Variants in MYBBP1A observed in about 807,000 individuals in gnomAD.
The protein encoded by MYBBP1A is myb-binding protein 1A.
A neutral mutation model predicts 136.3 loss-of-function variants in MYBBP1A; 147 were observed. That is an observed-to-expected ratio of 1.08 (90% CI 0.94 to 1.24). The LOEUF is 1.24. Ranked by LOEUF, MYBBP1A falls within the 50% of genes most tolerant of loss-of-function variation. The pLI is 0.00. For missense variants in MYBBP1A, 2,060 were observed against 1,727.4 expected (o/e 1.19, Z -3.41); for synonymous variants, 947 against 735.8 (o/e 1.29, Z -4.65).
At chr17:4,546,481 G>T (rs180780705) in intron 13 of MYBBP1A, among the ~76,000 whole-genome samples, 260 of 152,246 alleles carry the variant, frequency 1.7e-3, no homozygotes, top group African/African-American at 5.8e-3. Context: ...GCCTGAAGGG[G>T]ACAAGGAGTC....
Position 4,550,356 on chromosome 17 carries a change from G to C in MYBBP1A, c.1024-3C>G. Reference sequence around the variant, plus strand: ...GCAAACTTGAACTGCTTTGGGAGCTGCAAGAGTTAGGCATGGCGCTGAGCC... The same window carrying C: ...GCAAACTTGAACTGCTTTGGGAGCTCCAAGAGTTAGGCATGGCGCTGAGCC... On this transcript the variant is annotated splice_region_variant and splice_polypyrimidine_tract_variant and intron_variant, in intron 8 of 25. Transcript: ENST00000254718. The C allele has an allele frequency of 6.2e-7, 1 of 1,608,692 alleles. No individual in the cohort carries two copies. Among genetic ancestry groups the C allele is most frequent in the South Asian group, 1.1e-5 (1 of 90,674 alleles).
chr17:4,547,791 C>T (rs1390468883), intron 13 of MYBBP1A, 167 bp downstream of exon 13: 13 of 563,636 alleles, frequency 2.3e-5, no homozygotes, highest in Middle Eastern at 4.6e-4. Context: ...GCTAAGTGGC[C>T]GGAGGGATGT....
rs758319753 is a variant in MYBBP1A at position 4,539,603 on chromosome 17, A to AC, written c.3798dup (p.Ser1267ValfsTer78). On this transcript the variant is annotated frameshift_variant, in exon 26 of 26. Transcript: ENST00000254718. LOFTEE classifies it low-confidence loss of function (END_TRUNC). ...TTTTGGCCTGCAGGTTCCGTGGGGG[A>AC]CCCGGGAGCTCCATTCACCTGGGAC... The AC allele has an allele frequency of 3.1e-6, 5 of 1,613,078 alleles. 1 individual carries two copies. In the South Asian group the frequency reaches 5.5e-5, roughly 18 times the overall value.
At position 4,539,650 on chromosome 17, in the gene MYBBP1A, A is replaced by C; in HGVS notation, c.3752T>G (p.Leu1251Arg). The change falls in exon 26 of 26, where the codon CTG becomes CGG. Residue 1251 changes from leucine (L) to arginine (R), a missense_variant. Leu to Arg is a moderately radical substitution (Grantham distance 102). Transcript: ENST00000254718. ...GGACGGCTTCTGGTTTTTCTTCTGC[A>C]GTTTTGGGGATTTGGCAGGGGTGCT... is the stretch of plus-strand genomic sequence containing the variant. ...SPSTPAKSPK[L>R]QKKNQKPSQV... The C allele has an allele frequency of 6.2e-7, 1 of 1,609,500 alleles. No homozygotes were observed. Among genetic ancestry groups the C allele is most frequent in the South Asian group, 1.1e-5 (1 of 90,984 alleles).
intron 2 of MYBBP1A, among the ~76,000 whole-genome samples, chr17:4,554,584 G>T (rs564986205): frequency 1.4e-4 from 21 of 152,202 alleles, no homozygotes; most frequent in Admixed American, 1.4e-3. Context: ...TGCCTCTGCA[G>T]GCCTAAGGGA....
In MYBBP1A at chr17:4,540,405, G is replaced by C. The variant is rs752552195; in HGVS notation, c.3377C>G (p.Thr1126Ser). 1.9e-6 allele frequency: 3 copies of C among 1,610,700 alleles called. No homozygotes were observed. The South Asian group carries it at 3.3e-5, about 18-fold the overall frequency. The change falls in exon 25 of 26, where the codon ACC becomes AGC. Residue 1126 changes from threonine (T) to serine (S), a missense_variant. Physicochemically the swap from Thr to Ser is moderately conservative, Grantham distance 58. Coordinates refer to ENST00000254718, the MANE Select transcript of MYBBP1A (RefSeq NM_014520.4). ...GAGGTCGTGCAGGCGGCTGGAGCCG[G>C]TGGAGTGTGCCCCCTGCTGTAGGCT... ...QQSLQQGAHS[T>S]GSSRLHDLYW...
At position 4,548,271 on chromosome 17, in the gene MYBBP1A, C is replaced by T. The variant is rs1406766549; in HGVS notation, c.1596G>A (p.Pro532=). The T allele has an allele frequency of 7.4e-6, 12 of 1,612,498 alleles. No individual in the cohort carries two copies. Among genetic ancestry groups the T allele is most frequent in the East Asian group, 6.7e-5 (3 of 44,878 alleles). ...QTLSTQFKQA[P]GQTQGGQPWT... is the part of the protein sequence containing the mutation. The stretch of plus-strand genomic sequence containing the variant: ...AGGGCTGCCCACCCTGGGTCTGGCC[C>T]GGTGCCTGCTTGAACTGCGTGCTGA... Residue 532 remains proline, a synonymous_variant, in exon 12 of 26, where the codon CCG becomes CCA. Transcript: ENST00000254718. The surrounding 1 kb of genome is among the most constrained non-coding windows in gnomAD (Gnocchi z 4.2).
At position 4,554,218 on chromosome 17, in the gene MYBBP1A, A is replaced by G; in HGVS notation, c.355T>C (p.Tyr119His). ...CSILQQIQEKYDLHQVKKAML... is the reference protein window; with the variant it reads ...CSILQQIQEKHDLHQVKKAML... ...ACCTTCTTCACCTGATGCAGGTCAT[A>G]TTTTTCTTGTATCTGCTGCAGGATG... The change falls in exon 3 of 26, where the codon TAT becomes CAT. Residue 119 changes from tyrosine (Y) to histidine (H), a missense_variant. Physicochemically the swap from Tyr to His is moderately conservative, Grantham distance 83 (BLOSUM62 2). Transcript: ENST00000254718. 1 of 1,613,770 alleles carries G rather than the reference A, an allele frequency of 6.2e-7. No individual in the cohort carries two copies. The highest frequency in any genetic ancestry group is 8.5e-7 in the Non-Finnish European group (1 of 1,179,968).
chr17:4,552,216 G>A lies in MYBBP1A; in HGVS notation c.814C>T (p.Leu272Phe), dbSNP rs374873834. ...RKLPAIALDL[L>F]RLALKEDKFP... is the part of the protein sequence containing the mutation. ...TTGTCTTCCTTGAGTGCCAGGCGGA[G>A]CAGGTCCAGAGCAATGGCGGGCAGC... is the stretch of plus-strand genomic sequence containing the variant. The change falls in exon 7 of 26, where the codon CTC becomes TTC. Residue 272 changes from leucine (L) to phenylalanine (F), a missense_variant. By Grantham distance (22) the Leu-to-Phe change is conservative. Coordinates refer to ENST00000254718, the MANE Select transcript of MYBBP1A (RefSeq NM_014520.4). This position sits in a 1 kb window ranked among gnomAD's most constrained non-coding sequence, Gnocchi z 4.7. 6.2e-7 allele frequency: 1 copy of A among 1,614,234 alleles called. No homozygotes were observed. The highest frequency in any genetic ancestry group is 8.5e-7 in the Non-Finnish European group (1 of 1,180,038).
intron 17 of MYBBP1A, 40 bp downstream of exon 17, chr17:4,544,986 G>GCCCGGCC: frequency 2.7e-6 from 4 of 1,464,162 alleles, no homozygotes; most frequent in Non-Finnish European, 3.6e-6. Context: ...GGACACCCGA[G>GCCCGGCC]CCCTCCCCGG....
Position 4,542,947 on chromosome 17 carries a change from C to A in MYBBP1A, c.2858G>T (p.Gly953Val). 1 of 1,614,026 alleles carries A rather than the reference C, an allele frequency of 6.2e-7. No homozygotes were observed. The highest frequency in any genetic ancestry group is 1.1e-5 in the South Asian group (1 of 91,084). The change falls in exon 20 of 26, where the codon GGC (glycine) becomes GTC (valine). Residue 953 changes from glycine (G) to valine (V), a missense_variant. Gly to Val is a moderately radical substitution (Grantham distance 109). Transcript: ENST00000254718. Reference protein sequence around the residue: ...VHETQEKQKAGTDPSHMPTGP... With the variant: ...VHETQEKQKAVTDPSHMPTGP... ...CGTGGGCATGTGGCTGGGGTCAGTG[C>A]CAGCTTTCTGCTTCTCCTGTGTCTC...
At chr17:4,541,758 G>C (rs1179450298) in intron 23 of MYBBP1A, 26 bp downstream of exon 23, 4 of 1,590,428 alleles carry the variant, frequency 2.5e-6, no homozygotes, top group Non-Finnish European at 3.5e-6. Flanking sequence ...TGAGGGGGTG[G>C]GGAAAGGGCG....
At chr17:4,542,135 T>A (rs1170861308) in intron 22 of MYBBP1A, 1 of 586,854 alleles carries the variant, frequency 1.7e-6, no homozygotes, top group African/African-American at 1.9e-5. Flanking sequence ...ATTGGCTTAG[T>A]GCCATCTTCC....
At chr17:4,542,565 G>C in intron 21 of MYBBP1A, 33 bp from the exon 22 acceptor site, 1 of 1,613,016 alleles carries the variant, frequency 6.2e-7, no homozygotes. Context: ...GTGAGGTGCA[G>C]GCTGGGCTGA....
In MYBBP1A at chr17:4,540,340, G is replaced by T; in HGVS notation, c.3434+8C>A. 6.2e-7 allele frequency: 1 copy of T among 1,601,328 alleles called. No individual in the cohort carries two copies. ...ACCCAAGGTGTGTGTCCCCCTCCCAGAACCTACTGGACTCCCAGGGTTTTC... is the reference window on the plus strand; with the variant it reads ...ACCCAAGGTGTGTGTCCCCCTCCCATAACCTACTGGACTCCCAGGGTTTTC... On this transcript the variant is annotated splice_region_variant and intron_variant, in intron 25 of 25. Coordinates refer to ENST00000254718, the MANE Select transcript of MYBBP1A (RefSeq NM_014520.4).
chr17:4,539,386 C>G lies in MYBBP1A; in HGVS notation c.*29G>C. The G allele has an allele frequency of 1.3e-6, 2 of 1,546,400 alleles. No homozygotes were observed. The highest frequency in any genetic ancestry group is 1.7e-6 in the Non-Finnish European group (2 of 1,149,480). ...AATAGGCGTCTCAGGCAGATGGAGG[C>G]AGGGGCTGAGGGGGGCCCGTACCTG... On this transcript the variant is annotated 3_prime_UTR_variant, in exon 26 of 26. Coordinates refer to ENST00000254718, the MANE Select transcript of MYBBP1A (RefSeq NM_014520.4).
chr17:4,551,618 A>G (rs1156391115), intron 8 of MYBBP1A, among the ~76,000 whole-genome samples: 2 of 152,204 alleles, frequency 1.3e-5, no homozygotes, highest in African/African-American at 4.8e-5. Context: ...CTGAGGCAGG[A>G]GAATCGCTTG....
At chr17:4,540,995 T>G (rs1906366992) in intron 24 of MYBBP1A, among the ~76,000 whole-genome samples, 1 of 149,878 alleles carries the variant, frequency 6.7e-6, no homozygotes, top group Non-Finnish European at 1.5e-5. Flanking sequence ...AAGGGCTGAC[T>G]AGCACCTATG....
intron 24 of MYBBP1A, 111 bp from the exon 25 acceptor site, chr17:4,540,595 C>T (rs1334153358): frequency 2.3e-6 from 3 of 1,284,712 alleles, no homozygotes; most frequent in African/African-American, 1.5e-5. Flanking sequence ...ACCCCTGCCC[C>T]TTCCTGGGCC....
Sources: allele counts gnomAD v4.1 joint callset (sites outside exome capture counted in the v4.1 genomes callset), GRCh38; gene constraint gnomAD v4.1.1; non-coding constraint Gnocchi (gnomAD v3.1); transcripts MANE v1.5; gene names NCBI Gene and HGNC (gene_info 2026-07-23, HGNC 2026-07-21).